Variants in FAAH2 observed in about 807,000 individuals in gnomAD.
FAAH2 encodes the protein fatty-acid amide hydrolase 2.
In FAAH2, 60 loss-of-function variants were observed where a neutral mutation model predicts 36.9. The ratio of observed to expected loss-of-function variants is 1.63; its 90% CI spans 1.32 to 2.02. The LOEUF (loss-of-function observed/expected upper bound fraction) is 2.02, where lower values mean the gene tolerates loss of function less well. Ranked by LOEUF, FAAH2 falls within the 30% of genes most tolerant of loss-of-function variation. The pLI is 0.00. For missense variants in FAAH2, 689 were observed against 397.5 expected (o/e 1.73, Z -6.23); for synonymous variants, 214 against 143.8 (o/e 1.49, Z -3.49).
chrX:57,176,085 G>A, the FAAH2 span, among the ~76,000 whole-genome samples: 1 of 111,379 alleles, frequency 9.0e-6, no homozygotes, highest in Non-Finnish European at 1.9e-5. Context: ...TCTCCCATGA[G>A]TTTTTTGAGC....
At chrX:57,239,393 G>T in the FAAH2 span, among the ~76,000 whole-genome samples, 1 of 110,975 alleles carries the variant, frequency 9.0e-6, no homozygotes, top group Non-Finnish European at 1.9e-5. Flanking sequence ...CTTCTGACTT[G>T]TACAGATTCT....
chrX:57,386,948 G>T, intron 7 of FAAH2, among the ~76,000 whole-genome samples: 1 of 112,139 alleles, frequency 8.9e-6, no homozygotes, highest in Non-Finnish European at 1.9e-5. Flanking sequence ...TGAAATACAT[G>T]TGAATTCATT....
At chrX:57,441,628 A>G (rs773082257) in intron 8 of FAAH2, among the ~76,000 whole-genome samples, 12 of 108,251 alleles carry the variant, frequency 1.1e-4, no homozygotes, top group Non-Finnish European at 1.3e-4. Context: ...CTCTGATCTG[A>G]ATTATTTCTT....
Position 57,488,949 on chromosome X carries a change from G to T in FAAH2, c.*17G>T, listed in dbSNP as rs1447027724. 4 of 1,199,262 alleles carry T rather than the reference G, an allele frequency of 3.3e-6. No homozygotes were observed. In the African/African-American group the frequency reaches 5.2e-5, roughly 16 times the overall value. ...AAGTTTTAGGAGGACCTTCTGCAAG[G>T]TTAATGTGTGTGTGTGTTTGTGTTC... On this transcript the variant is annotated 3_prime_UTR_variant, in exon 11 of 11. Transcript: ENST00000374900.
chrX:57,381,979 C>G (rs1234138884), intron 7 of FAAH2, among the ~76,000 whole-genome samples: 4 of 111,754 alleles, frequency 3.6e-5, no homozygotes, highest in Non-Finnish European at 7.5e-5. Context: ...AACTGTCTCT[C>G]AGACCATAGT....
chrX:57,141,252 A>G, the FAAH2 span, among the ~76,000 whole-genome samples: 9 of 112,063 alleles, frequency 8.0e-5, no homozygotes, highest in Non-Finnish European at 1.7e-4. Context: ...TGATTTGTGT[A>G]TGTTGAACCA....
Position 57,431,781 on chromosome X carries a change from TTTTTTG to T in FAAH2, c.997-131_997-126del, listed in dbSNP as rs1287009812. On this transcript the variant is annotated intron_variant, in intron 7 of 10. Transcript: ENST00000374900. ...TGTTTTTGTTTTTTTGTTTTTTTGT[TTTTTTG>T]TTTTTTTTGGTGTTTCCATGGGGCA... 18 of 352,207 alleles carry T rather than the reference TTTTTTG, an allele frequency of 5.1e-5. No individual in the cohort carries two copies. In the South Asian group the frequency reaches 1.4e-3, roughly 28 times the overall value. 29.0% of individuals were successfully genotyped at this position (352,207 alleles called of 1,213,427 possible). A position where few individuals can be genotyped will look rare whatever the true frequency, so the allele number is the denominator to read the frequency against.
chrX:57,221,088 T>G, the FAAH2 span, among the ~76,000 whole-genome samples: 4 of 111,452 alleles, frequency 3.6e-5, no homozygotes, highest in East Asian at 2.8e-4. Flanking sequence ...TAGGAATTAA[T>G]GGACAAGTCT....
the FAAH2 span, among the ~76,000 whole-genome samples, chrX:57,147,173 G>C: frequency 9.0e-6 from 1 of 111,697 alleles, no homozygotes; most frequent in Non-Finnish European, 1.9e-5. Flanking sequence ...GAATTCAGCT[G>C]TGAATTTGTC....
chrX:57,152,294 G>C, the FAAH2 span, among the ~76,000 whole-genome samples: 1 of 112,379 alleles, frequency 8.9e-6, no homozygotes, highest in African/African-American at 3.2e-5. Context: ...TCTCTTCAAA[G>C]CTGTCAGACT....
chrX:57,180,175 A>G, the FAAH2 span, among the ~76,000 whole-genome samples: 1 of 111,820 alleles, frequency 8.9e-6, no homozygotes, highest in Admixed American at 9.5e-5. Context: ...AAATATTTCA[A>G]ATTAACAATC....
intron 7 of FAAH2, among the ~76,000 whole-genome samples, chrX:57,389,008 G>T (rs758216380): frequency 1.8e-5 from 2 of 109,106 alleles, no homozygotes; most frequent in Admixed American, 9.9e-5. Flanking sequence ...CCTAGTAAAG[G>T]ACATCTTGGT....
the FAAH2 span, among the ~76,000 whole-genome samples, chrX:57,216,312 A>G: frequency 2.7e-3 from 281 of 104,260 alleles, 1 homozygote; most frequent in African/African-American, 9.2e-3. Context: ...AGCCCACTGT[A>G]TCATTCTTAT....
intron 7 of FAAH2, among the ~76,000 whole-genome samples, chrX:57,384,564 A>C (rs1419297127): frequency 4.5e-5 from 5 of 111,727 alleles, no homozygotes; most frequent in African/African-American, 1.6e-4. Flanking sequence ...GCCAAAAGAC[A>C]CATGAAAAAA....
chrX:57,239,179 TATTTTGGTAGA>T, the FAAH2 span, among the ~76,000 whole-genome samples: 1 of 111,855 alleles, frequency 8.9e-6, no homozygotes, highest in Non-Finnish European at 1.9e-5. Flanking sequence ...GTCTTCTTTA[TATTTTGGTAGA>T]ATTCGGATGT....
At chrX:57,271,288 C>T in the FAAH2 span, among the ~76,000 whole-genome samples, 60 of 112,827 alleles carry the variant, frequency 5.3e-4, no homozygotes, top group African/African-American at 1.9e-3. Context: ...GATTTCTCCT[C>T]TCTGGACAGG....
At chrX:57,292,670 T>C in intron 2 of FAAH2, 90 bp downstream of exon 2, 1 of 713,239 alleles carries the variant, frequency 1.4e-6, no homozygotes, top group East Asian at 3.5e-5. Context: ...TCCTAGATTC[T>C]TCTTTCTCTT....
the FAAH2 span, among the ~76,000 whole-genome samples, chrX:57,234,283 C>A: frequency 9.0e-6 from 1 of 111,463 alleles, no homozygotes; most frequent in South Asian, 3.8e-4. Context: ...ATTGATCTCT[C>A]CATTGCTGTT....
At chrX:57,239,717 A>C in the FAAH2 span, among the ~76,000 whole-genome samples, 9 of 110,720 alleles carry the variant, frequency 8.1e-5, no homozygotes, top group African/African-American at 3.0e-4. Context: ...TATTTCTTGG[A>C]GGTATTGTTT....
Sources: allele counts gnomAD v4.1 joint callset (sites outside exome capture counted in the v4.1 genomes callset), GRCh38; gene constraint gnomAD v4.1.1; transcripts MANE v1.5; gene names NCBI Gene and HGNC (gene_info 2026-07-23, HGNC 2026-07-21).